TMEM132D: variants seen among roughly 807,000 people sequenced by gnomAD.
TMEM132D encodes mature OL transmembrane protein.
A neutral mutation model predicts 62.3 loss-of-function variants in TMEM132D; 21 were observed. That is an observed-to-expected ratio of 0.34 (90% CI 0.24 to 0.49). The LOEUF (loss-of-function observed/expected upper bound fraction) is 0.49. TMEM132D is among the 20% of genes least tolerant of loss of function. The probability of loss-of-function intolerance (pLI) is 0.99; values close to 1 mark genes in which losing one functional copy is unlikely to be tolerated. For synonymous variants in TMEM132D, 621 were observed against 575.6 expected, an observed-to-expected ratio of 1.08 and a Z score of -1.13; for missense variants, 1,346 against 1,402.8, an observed-to-expected ratio of 0.96 and a Z score of 0.65.
chr12:129,496,063 C>A (rs1293201160), intron 3 of TMEM132D, among the ~76,000 whole-genome samples: 2 of 152,192 alleles, frequency 1.3e-5, no homozygotes, highest in Non-Finnish European at 2.9e-5. Flanking sequence ...CTGCAGGCTG[C>A]ATTCATGAAG....
At chr12:129,778,459 T>C (rs573348316) in intron 1 of TMEM132D, among the ~76,000 whole-genome samples, 1 of 152,240 alleles carries the variant, frequency 6.6e-6, no homozygotes, top group African/African-American at 2.4e-5. Flanking sequence ...CTGCAGCCGT[T>C]CTTTCCAGCT....
At chr12:129,455,017 G>A (rs1873421509) in intron 3 of TMEM132D, among the ~76,000 whole-genome samples, 1 of 152,182 alleles carries the variant, frequency 6.6e-6, no homozygotes, top group Admixed American at 6.5e-5. Flanking sequence ...CCGTCTCTCA[G>A]GACCACATGT....
intron 4 of TMEM132D, among the ~76,000 whole-genome samples, chr12:129,321,893 C>T (rs1367832755): frequency 2.0e-5 from 3 of 152,210 alleles, no homozygotes; most frequent in African/African-American, 4.8e-5. Context: ...ATGCGTGGGA[C>T]GAATGTTTCC....
At chr12:129,472,561 G>A (rs1344991568) in intron 3 of TMEM132D, among the ~76,000 whole-genome samples, 1 of 152,072 alleles carries the variant, frequency 6.6e-6, no homozygotes, top group Non-Finnish European at 1.5e-5. Context: ...TAACAAACCT[G>A]CATGTTCAGC....
intron 1 of TMEM132D, among the ~76,000 whole-genome samples, chr12:129,795,845 T>G (rs965424440): frequency 1.3e-5 from 2 of 152,218 alleles, no homozygotes; most frequent in Non-Finnish European, 2.9e-5. Flanking sequence ...TATTATTTTA[T>G]TGGAGGCTTT....
At chr12:129,439,596 C>T (rs1353344021) in intron 3 of TMEM132D, among the ~76,000 whole-genome samples, 5 of 152,068 alleles carry the variant, frequency 3.3e-5, no homozygotes, top group African/African-American at 4.8e-5. Flanking sequence ...AACAGGTGCC[C>T]GCCATCACAA....
intron 5 of TMEM132D, among the ~76,000 whole-genome samples, chr12:129,133,962 C>A (rs577932194): frequency 6.6e-6 from 1 of 152,222 alleles, no homozygotes; most frequent in South Asian, 2.1e-4. Context: ...GGGGAGGGAG[C>A]CCACCTGAGC....
At chr12:129,868,944 C>T (rs575003906) in intron 1 of TMEM132D, among the ~76,000 whole-genome samples, 6 of 152,270 alleles carry the variant, frequency 3.9e-5, no homozygotes, top group Admixed American at 1.3e-4. Context: ...CAACCCCAGC[C>T]GCAGACCTCC....
At chr12:129,771,682 A>G (rs1870755021) in intron 1 of TMEM132D, among the ~76,000 whole-genome samples, 1 of 152,228 alleles carries the variant, frequency 6.6e-6, no homozygotes, top group South Asian at 2.1e-4. Flanking sequence ...GATCCAATGC[A>G]CTTGGCATCT....
chr12:129,180,210 G>GGGA (rs61354153), intron 5 of TMEM132D, among the ~76,000 whole-genome samples: 50,141 of 149,804 alleles, frequency 0.33, 9,612 homozygotes, highest in East Asian at 0.52. Context: ...ACAGATAGTG[G>GGGA]GGAGGAGGAG....
At chr12:129,131,868 T>C (rs1876384549) in intron 5 of TMEM132D, among the ~76,000 whole-genome samples, 2 of 152,194 alleles carry the variant, frequency 1.3e-5, no homozygotes, top group African/African-American at 4.8e-5. Context: ...GAGACATTAA[T>C]TGAAAAAAAT....
intron 2 of TMEM132D, among the ~76,000 whole-genome samples, chr12:129,665,479 A>G (rs1880355098): frequency 6.6e-6 from 1 of 152,116 alleles, no homozygotes; most frequent in African/African-American, 2.4e-5. Flanking sequence ...CGGAAAATTA[A>G]AACTAGGAAG....
At chr12:129,507,799 C>G (rs1268633156) in intron 3 of TMEM132D, among the ~76,000 whole-genome samples, 3 of 152,112 alleles carry the variant, frequency 2.0e-5, no homozygotes, top group African/African-American at 7.2e-5. Context: ...TCTCACAAAT[C>G]ACCACTAAAG....
At chr12:129,481,405 G>C (rs1363427347) in intron 3 of TMEM132D, among the ~76,000 whole-genome samples, 2 of 150,826 alleles carry the variant, frequency 1.3e-5, no homozygotes, top group African/African-American at 4.9e-5. Context: ...TGAGGATGCT[G>C]TGGGTTATGA....
intron 1 of TMEM132D, among the ~76,000 whole-genome samples, chr12:129,780,780 C>G (rs909030673): frequency 6.6e-6 from 1 of 152,184 alleles, no homozygotes; most frequent in African/African-American, 2.4e-5. Context: ...TTTTTACCAT[C>G]ATTAAATTGA....
At chr12:129,244,482 A>G (rs4523756) in intron 4 of TMEM132D, among the ~76,000 whole-genome samples, 38,793 of 151,906 alleles carry the variant, frequency 0.26, 5,072 homozygotes, top group African/African-American at 0.28. Context: ...GTGCATAGAC[A>G]ATGCTTACGC....
chr12:129,443,477 C>T (rs759887525), intron 3 of TMEM132D, among the ~76,000 whole-genome samples: 8 of 152,092 alleles, frequency 5.3e-5, no homozygotes, highest in East Asian at 1.9e-4. Context: ...GGCCCACAGC[C>T]GAGGAACCGT....
chr12:129,768,873 T>C (rs546115755), intron 1 of TMEM132D, among the ~76,000 whole-genome samples: 1 of 152,336 alleles, frequency 6.6e-6, no homozygotes, highest in South Asian at 2.1e-4. Context: ...ATATCGTGGA[T>C]TTTCAACGAA....
In TMEM132D at chr12:129,341,352, A is replaced by G. The variant is rs557717516; in HGVS notation, c.1116-3535T>C. ...TTGGTTAAAGAGAAGTTTATAAAAC[A>G]TATCTGGTTAAAGCAGTGATTTTTC... On this transcript the variant is annotated intron_variant, in intron 3 of 8. Coordinates refer to ENST00000422113, the MANE Select transcript of TMEM132D (RefSeq NM_133448.3). Among the ~76,000 whole-genome samples, 13 of 152,364 alleles carry G rather than the reference A, an allele frequency of 8.5e-5. No individual in the cohort carries two copies. In the East Asian group the frequency reaches 2.5e-3, roughly 29 times the overall value.
Sources: gnomAD v4.1 joint callset for allele counts (sites outside exome capture counted in the v4.1 genomes callset) on GRCh38, gnomAD v4.1.1 for gene constraint, MANE v1.5 for transcripts, NCBI Gene and HGNC (gene_info 2026-07-23, HGNC 2026-07-21) for gene names.